HDAC4: variants seen among roughly 807,000 people sequenced by gnomAD.
The protein encoded by HDAC4 is histone deacetylase 4.
In HDAC4, 16 loss-of-function variants were observed where a neutral mutation model predicts 135.1. The ratio of observed to expected loss-of-function variants is 0.12; its 90% CI spans 0.08 to 0.18. HDAC4 has a LOEUF of 0.18. Ranked by LOEUF, HDAC4 falls within the 10% of genes least tolerant of loss-of-function variation. The pLI, the probability that HDAC4 is intolerant of heterozygous loss-of-function variation, is 1.00. For synonymous variants in HDAC4, 685 were observed against 653.4 expected (o/e 1.05, Z -0.74); for missense variants, 1,143 against 1,511.8 (o/e 0.76, Z 4.05).
At chr2:239,330,179 G>A (rs1203948183) in intron 2 of HDAC4, among the ~76,000 whole-genome samples, 2 of 152,244 alleles carry the variant, frequency 1.3e-5, no homozygotes, top group Admixed American at 6.5e-5. Context: ...GCTGCCTGGA[G>A]AGCCATGGGA....
At chr2:239,396,695 G>A (rs1696583767) in intron 1 of HDAC4, among the ~76,000 whole-genome samples, 1 of 152,236 alleles carries the variant, frequency 6.6e-6, no homozygotes. Flanking sequence ...TAGCCCGGCT[G>A]ACGGAGTCTT....
At chr2:239,061,502 CGT>C (rs1416665359) in intron 24 of HDAC4, among the ~76,000 whole-genome samples, 4 of 149,312 alleles carry the variant, frequency 2.7e-5, no homozygotes, top group South Asian at 4.3e-4. Context: ...CGTGTGTGCA[CGT>C]GTGACTGGTG....
intron 2 of HDAC4, among the ~76,000 whole-genome samples, chr2:239,284,814 A>G (rs533383766): frequency 2.0e-5 from 3 of 152,330 alleles, no homozygotes; most frequent in South Asian, 2.1e-4. Context: ...GCCCTCCCAC[A>G]GGAAGCTGAG....
intron 7 of HDAC4, among the ~76,000 whole-genome samples, chr2:239,148,351 C>T (rs2041898082): frequency 6.6e-6 from 1 of 152,106 alleles, no homozygotes; most frequent in Admixed American, 6.5e-5. Flanking sequence ...AAAGGTCGTA[C>T]AACAAATTAC....
intron 22 of HDAC4, among the ~76,000 whole-genome samples, chr2:239,076,126 G>A (rs571357629): frequency 7.2e-5 from 11 of 152,110 alleles, no homozygotes; most frequent in Non-Finnish European, 1.0e-4. Flanking sequence ...GCTGGGCCGG[G>A]ATAGCAGTAG....
rs571734893 is a variant in HDAC4, at chr2:239,141,963, C to T, written c.866-2167G>A. Among the ~76,000 whole-genome samples, 25 of 152,196 alleles carry T rather than the reference C, an allele frequency of 1.6e-4. No individual in the cohort carries two copies. Among genetic ancestry groups the T allele is most frequent in the Admixed American group, 2.6e-4 (4 of 15,280 alleles). On this transcript the variant is annotated intron_variant, in intron 8 of 26. Transcript: ENST00000543185. This position sits in a 1 kb window ranked among gnomAD's most constrained non-coding sequence, Gnocchi z 4.9. ...AACACCATTGGAGGTGCTCAAAAGGCGTGTGGCTGAAATTGAGTGGAGAGG... is the reference window on the plus strand; with the variant it reads ...AACACCATTGGAGGTGCTCAAAAGGTGTGTGGCTGAAATTGAGTGGAGAGG...
Position 239,059,959 on chromosome 2 carries a change from C to T in HDAC4, c.3004-5126G>A, listed in dbSNP as rs952230679. On this transcript the variant is annotated intron_variant, in intron 24 of 26. Coordinates refer to ENST00000543185, the MANE Select transcript of HDAC4 (RefSeq NM_001378414.1). ...CTCCGGGGGCCCTTGGATCCACCCA[C>T]GTCCGTCACACTCGTAGTTCTCGAG... Among the ~76,000 whole-genome samples the T allele has an allele frequency of 5.3e-5, 8 of 152,248 alleles. No homozygotes were observed. The East Asian group carries it at 1.2e-3, about 22-fold the overall frequency.
At chr2:239,127,277 C>T (rs1325706665) in intron 11 of HDAC4, among the ~76,000 whole-genome samples, 1 of 152,222 alleles carries the variant, frequency 6.6e-6, no homozygotes, top group Non-Finnish European at 1.5e-5. Flanking sequence ...AAACCCCTTT[C>T]TGAAAAGATC....
At chr2:239,384,997 G>C (rs986780172) in intron 1 of HDAC4, among the ~76,000 whole-genome samples, 1 of 152,190 alleles carries the variant, frequency 6.6e-6, no homozygotes, top group Non-Finnish European at 1.5e-5. Flanking sequence ...GGATACAGGA[G>C]AACAGAACTG....
At chr2:239,107,340 C>T (rs575478995) in intron 15 of HDAC4, among the ~76,000 whole-genome samples, 158 of 152,386 alleles carry the variant, frequency 1.0e-3, no homozygotes, top group African/African-American at 3.5e-3. Flanking sequence ...CGGGGCCGGG[C>T]CCTCCTTGTA....
intron 8 of HDAC4, chr2:239,140,930 A>G (rs1351188195): frequency 2.2e-6 from 1 of 459,212 alleles, no homozygotes; most frequent in South Asian, 1.6e-5. Context: ...GCCCCGAGCC[A>G]CAGTGAGGAG....
At chr2:239,310,717 T>C (rs2052833194) in intron 2 of HDAC4, among the ~76,000 whole-genome samples, 1 of 152,186 alleles carries the variant, frequency 6.6e-6, no homozygotes, top group African/African-American at 2.4e-5. Flanking sequence ...AGGACCCTGA[T>C]GCCAACCAAG....
intron 22 of HDAC4, among the ~76,000 whole-genome samples, chr2:239,075,700 C>G (rs2034676987): frequency 6.6e-6 from 1 of 152,230 alleles, no homozygotes; most frequent in East Asian, 1.9e-4. Context: ...CTCAATGTGG[C>G]TTCTCTGGCA....
chr2:239,227,421 C>A (rs1043903018), intron 3 of HDAC4, among the ~76,000 whole-genome samples: 1 of 152,160 alleles, frequency 6.6e-6, no homozygotes, highest in Non-Finnish European at 1.5e-5. Context: ...GCCTGCTGGA[C>A]ACCATGCCAA....
At chr2:239,186,898 C>T (rs1328809577) in intron 4 of HDAC4, 1 of 152,308 alleles carries the variant, frequency 6.6e-6, no homozygotes, top group East Asian at 1.9e-4. Flanking sequence ...AGGCTTACTT[C>T]TCAGCTTCTC....
chr2:239,380,968 C>T (rs998575893), intron 1 of HDAC4, among the ~76,000 whole-genome samples: 4 of 152,162 alleles, frequency 2.6e-5, no homozygotes, highest in Non-Finnish European at 5.9e-5. Flanking sequence ...GGAGCAAACA[C>T]GGGTTCACGT....
At chr2:239,344,433 C>T (rs1692488043) in intron 2 of HDAC4, among the ~76,000 whole-genome samples, 1 of 152,078 alleles carries the variant, frequency 6.6e-6, no homozygotes, top group Non-Finnish European at 1.5e-5. Flanking sequence ...CAGAGAATTG[C>T]CAAAACAAAC....
At chr2:239,266,553 G>A (rs773190628) in intron 2 of HDAC4, among the ~76,000 whole-genome samples, 1 of 152,180 alleles carries the variant, frequency 6.6e-6, no homozygotes, top group Non-Finnish European at 1.5e-5. Context: ...AAGAGTCCAC[G>A]ATTTCATGAC....
chr2:239,355,017 T>C (rs1462119997), intron 1 of HDAC4, among the ~76,000 whole-genome samples: 1 of 152,220 alleles, frequency 6.6e-6, no homozygotes, highest in East Asian at 1.9e-4. Flanking sequence ...TTACAGCTTC[T>C]TTCCAGGTAA....
Sources: allele counts gnomAD v4.1 joint callset (sites outside exome capture counted in the v4.1 genomes callset), GRCh38; gene constraint gnomAD v4.1.1; non-coding constraint Gnocchi (gnomAD v3.1); transcripts MANE v1.5; gene names NCBI Gene and HGNC (gene_info 2026-07-23, HGNC 2026-07-21).